Variants in LONP1 observed in about 807,000 individuals in gnomAD.
LONP1 encodes the protein lon protease homolog, mitochondrial.
A neutral mutation model predicts 98.5 loss-of-function variants in LONP1; 31 were observed. The observed-to-expected ratio is 0.31, with a 90% CI of 0.24 to 0.42. LONP1 has a LOEUF of 0.42. Among genes scored for constraint, LONP1 ranks in the 20% least tolerant of loss-of-function variants. The pLI is 1.00. For synonymous variants in LONP1, 781 were observed against 594.7 expected, an observed-to-expected ratio of 1.31 and a Z score of -4.56; for missense variants, 1,336 against 1,350.6, an observed-to-expected ratio of 0.99 and a Z score of 0.17.
At chr19:5,717,088 C>T (rs1019070557) in intron 1 of LONP1, among the ~76,000 whole-genome samples, 2 of 152,198 alleles carry the variant, frequency 1.3e-5, no homozygotes, top group African/African-American at 4.8e-5. Flanking sequence ...GCCACCGCGC[C>T]CAGCCCACGA....
intron 4 of LONP1, among the ~76,000 whole-genome samples, chr19:5,711,379 G>A (rs2055234512): frequency 6.6e-6 from 1 of 152,232 alleles, no homozygotes; most frequent in Non-Finnish European, 1.5e-5. Flanking sequence ...GGATCAGGGT[G>A]GCCAACAGGC....
At chr19:5,708,455 G>C in intron 4 of LONP1, 52 bp from the exon 5 acceptor site, 1 of 1,261,830 alleles carries the variant, frequency 7.9e-7, no homozygotes, top group Non-Finnish European at 1.1e-6. Flanking sequence ...CCAGCAGGGG[G>C]TGGGCTGGGT....
Position 5,691,934 on chromosome 19 carries a change from C to G in LONP1, c.*98G>C. 2.8e-6 allele frequency: 4 copies of G among 1,418,266 alleles called. No individual in the cohort carries two copies. The highest frequency in any genetic ancestry group is 3.8e-6 in the Non-Finnish European group (4 of 1,051,268). The allele number at this position is 1,418,266 out of a possible 1,614,324, so 87.9% of individuals were successfully genotyped here. Reference sequence around the variant, plus strand: ...GGGTCACTGGACCGAGCTGCTCGCTCGGTGGCTCCACTGCCAGGTCCGGGC... The same window carrying G: ...GGGTCACTGGACCGAGCTGCTCGCTGGGTGGCTCCACTGCCAGGTCCGGGC... On this transcript the variant is annotated 3_prime_UTR_variant, in exon 18 of 18. Coordinates refer to ENST00000360614, the MANE Select transcript of LONP1 (RefSeq NM_004793.4).
At chr19:5,694,303 T>G (rs1355434381) in intron 15 of LONP1, 84 bp downstream of exon 15, 7 of 1,551,530 alleles carry the variant, frequency 4.5e-6, no homozygotes, top group Non-Finnish European at 6.1e-6. Context: ...TGAGGCCCAC[T>G]GCACAGGTGT....
At chr19:5,719,426 G>T (rs1203001170) in intron 1 of LONP1, among the ~76,000 whole-genome samples, 1 of 152,176 alleles carries the variant, frequency 6.6e-6, no homozygotes, top group African/African-American at 2.4e-5. Context: ...GTCCCTCCCG[G>T]CCCCGGATTT....
intron 3 of LONP1, among the ~76,000 whole-genome samples, chr19:5,712,241 C>T (rs1260592350): frequency 6.6e-6 from 1 of 152,152 alleles, no homozygotes; most frequent in East Asian, 1.9e-4. Flanking sequence ...GCATCCCACG[C>T]CAATGCATCA....
chr19:5,696,344 C>G lies in LONP1; in HGVS notation c.1801G>C (p.Gly601Arg). ...EVDKIGRGYQ[G>R]DPSSALLELL... The stretch of plus-strand genomic sequence containing the variant: ...TCCAGCAGTGCCGACGACGGGTCCC[C>G]CTGGTAGCCTCGGCCGATCTTGTCC... The change falls in exon 12 of 18, where the codon GGG (glycine) becomes CGG (arginine). Residue 601 changes from glycine (G) to arginine (R), a missense_variant. Physicochemically the swap from Gly to Arg is moderately radical, Grantham distance 125. This residue lies in a region of LONP1 where 555 missense variants were observed against 542.6 expected (regional missense o/e 1.02). Transcript: ENST00000360614. The G allele has an allele frequency of 6.2e-7, 1 of 1,613,186 alleles. No homozygotes were observed. The highest frequency in any genetic ancestry group is 1.7e-5 in the Admixed American group (1 of 60,008).
chr19:5,691,861 A>G lies in LONP1; in HGVS notation c.*171T>C. 1 of 822,844 alleles carries G rather than the reference A, an allele frequency of 1.2e-6. No individual in the cohort carries two copies. The highest frequency in any genetic ancestry group is 2.7e-5 in the East Asian group (1 of 37,546). 51.0% of individuals were successfully genotyped at this position (822,844 alleles called of 1,614,324 possible). ...CTGCAAATGACTTTAATCATTAAAT[A>G]GCTTCTATGCCACACTCTGATTAAG... On this transcript the variant is annotated 3_prime_UTR_variant, in exon 18 of 18. Coordinates refer to ENST00000360614, the MANE Select transcript of LONP1 (RefSeq NM_004793.4).
chr19:5,701,977 G>A (rs1324458018), intron 8 of LONP1, among the ~76,000 whole-genome samples: 6 of 149,728 alleles, frequency 4.0e-5, no homozygotes, highest in Non-Finnish European at 7.4e-5. Context: ...TCTCTGCCCG[G>A]CAGCCCTGAG....
intron 8 of LONP1, among the ~76,000 whole-genome samples, chr19:5,703,244 G>A (rs1294888801): frequency 6.6e-6 from 1 of 152,088 alleles, no homozygotes; most frequent in Non-Finnish European, 1.5e-5. Context: ...CAGGAAGGAG[G>A]AGATGGCCGG....
chr19:5,700,094 A>G (rs534437795), intron 9 of LONP1, among the ~76,000 whole-genome samples: 5 of 151,842 alleles, frequency 3.3e-5, no homozygotes, highest in Admixed American at 3.3e-4. Flanking sequence ...ACGCAACATC[A>G]CACCAGGCTA....
chr19:5,698,878 G>T (rs2054991301), intron 10 of LONP1, 149 bp downstream of exon 10: 2 of 832,406 alleles, frequency 2.4e-6, no homozygotes, highest in Non-Finnish European at 3.5e-6. Flanking sequence ...CCGCCACATG[G>T]CTGGACTTTT....
At chr19:5,695,793 C>T (rs542210334) in intron 13 of LONP1, among the ~76,000 whole-genome samples, 31 of 152,354 alleles carry the variant, frequency 2.0e-4, no homozygotes, top group African/African-American at 7.2e-4. Context: ...AGCCTGGAGG[C>T]CCCGGGAGAC....
In LONP1 at chr19:5,699,073, A is replaced by G. The variant is rs779275628; in HGVS notation, c.1639T>C (p.Phe547Leu). ...ARALNREYFR[F>L]SVGGMTDVAE... ...ACGTCAGTCATGCCCCCGACGCTGAAGCGGAAGTACTCTCGGTTCAGGGCG... is the reference window on the plus strand; with the variant it reads ...ACGTCAGTCATGCCCCCGACGCTGAGGCGGAAGTACTCTCGGTTCAGGGCG... The change falls in exon 10 of 18, where the codon TTC (phenylalanine) becomes CTC (leucine). Residue 547 changes from phenylalanine (F) to leucine (L), a missense_variant. Phe to Leu is a conservative substitution (Grantham distance 22). This residue lies in a region of LONP1 where 219 missense variants were observed against 241.0 expected (regional missense o/e 0.91). Transcript: ENST00000360614. 8.7e-6 allele frequency: 14 copies of G among 1,609,148 alleles called. No homozygotes were observed. The highest frequency in any genetic ancestry group is 1.1e-5 in the South Asian group (1 of 90,836).
chr19:5,714,054 T>G (rs1347790295), intron 2 of LONP1, 129 bp downstream of exon 2: 1 of 670,928 alleles, frequency 1.5e-6, no homozygotes, highest in Non-Finnish European at 2.5e-6. Context: ...GCTTCTGGCC[T>G]TTATTCTGGA....
intron 14 of LONP1, 34 bp from the exon 15 acceptor site, chr19:5,694,586 AGGT>A: frequency 1.3e-6 from 2 of 1,584,814 alleles, no homozygotes; most frequent in Non-Finnish European, 1.7e-6. Flanking sequence ...GGGCACGGGA[AGGT>A]GGGGTGACAG....
intron 8 of LONP1, among the ~76,000 whole-genome samples, chr19:5,701,455 CGAGTGCCTGCG>C (rs888020565): frequency 6.6e-6 from 1 of 152,156 alleles, no homozygotes; most frequent in African/African-American, 2.4e-5. Context: ...CTGAGCCTGC[CGAGTGCCTGCG>C]ATTGCAGGCG....
chr19:5,708,231 G>T, intron 5 of LONP1, 111 bp downstream of exon 5: 3 of 1,121,746 alleles, frequency 2.7e-6, no homozygotes, highest in Non-Finnish European at 3.9e-6. Flanking sequence ...ACTCCTTGGG[G>T]CAGGCAAGGT....
At chr19:5,694,976 G>C (rs1568311680) in intron 13 of LONP1, 75 bp from the exon 14 acceptor site, 1 of 1,509,114 alleles carries the variant, frequency 6.6e-7, no homozygotes, top group East Asian at 2.3e-5. Flanking sequence ...GGGAGCCAAT[G>C]CCTCTCCCAT....
Sources: allele counts gnomAD v4.1 joint callset (sites outside exome capture counted in the v4.1 genomes callset), GRCh38; gene constraint gnomAD v4.1.1; regional missense constraint gnomAD v4.1.1; transcripts MANE v1.5; gene names NCBI Gene and HGNC (gene_info 2026-07-23, HGNC 2026-07-21).